Variants in WDR37 observed in about 807,000 individuals in gnomAD.
The protein encoded by WDR37 is WD repeat domain 37, also known as WD repeat-containing protein 37.
A neutral mutation model predicts 62.9 loss-of-function variants in WDR37; 19 were observed. The observed-to-expected ratio is 0.30, with a 90% CI of 0.21 to 0.44. The LOEUF (loss-of-function observed/expected upper bound fraction) is 0.44. Ranked by LOEUF, WDR37 falls within the 20% of genes least tolerant of loss-of-function variation. The pLI is 1.00. For synonymous variants in WDR37, 250 were observed against 260.9 expected (o/e 0.96, Z 0.40); for missense variants, 474 against 657.6 (o/e 0.72, Z 3.05).
chr10:1,107,089 G>T (rs1387644528), intron 11 of WDR37, among the ~76,000 whole-genome samples: 1 of 152,264 alleles, frequency 6.6e-6, no homozygotes, highest in Admixed American at 6.5e-5. Context: ...TCAGGGTGCA[G>T]CAGGCGCTGA....
At chr10:1,088,610 G>A (rs1215444612) in intron 7 of WDR37, among the ~76,000 whole-genome samples, 1 of 151,320 alleles carries the variant, frequency 6.6e-6, no homozygotes, top group Non-Finnish European at 1.5e-5. Flanking sequence ...AAATGACAAT[G>A]GTAGCATCAG....
At chr10:1,061,771 G>A (rs1485916038) in intron 1 of WDR37, among the ~76,000 whole-genome samples, 1 of 151,726 alleles carries the variant, frequency 6.6e-6, no homozygotes, top group African/African-American at 2.4e-5. Context: ...CCTGGGAGAT[G>A]GAGGTTGCAG....
chr10:1,096,380 T>C (rs1294477268), intron 9 of WDR37, 134 bp downstream of exon 9: 1 of 913,254 alleles, frequency 1.1e-6, no homozygotes, highest in Admixed American at 2.1e-5. Context: ...ACCCCCGGTA[T>C]GGTTGAATTT....
At position 1,084,383 on chromosome 10, in the gene WDR37, A is replaced by C. The variant is rs1834130042; in HGVS notation, c.397-20A>C. 1 of 1,599,254 alleles carries C rather than the reference A, an allele frequency of 6.3e-7. No homozygotes were observed. Among genetic ancestry groups the C allele is most frequent in the Admixed American group, 1.7e-5 (1 of 58,618 alleles). On this transcript the variant is annotated intron_variant, in intron 5 of 13. Coordinates refer to ENST00000263150, the MANE Select transcript of WDR37 (RefSeq NM_014023.4). ...TTACTTCAGTAAATTGTTTCACAAG[A>C]CTCCCCATCTTGGTTTCAGATTGTC...
intron 11 of WDR37, among the ~76,000 whole-genome samples, chr10:1,117,391 A>G (rs1835435322): frequency 1.3e-5 from 2 of 152,136 alleles, no homozygotes; most frequent in Non-Finnish European, 1.5e-5. Flanking sequence ...CCAAGTTAGA[A>G]TATTGTTTTT....
intron 5 of WDR37, 105 bp from the exon 6 acceptor site, chr10:1,084,298 A>G (rs568570637): frequency 1.4e-6 from 2 of 1,394,942 alleles, no homozygotes; most frequent in Admixed American, 2.0e-5. Flanking sequence ...TGTCCTAGTC[A>G]GTGATTTGTG....
chr10:1,084,594 G>C (rs1232556417), intron 6 of WDR37, 56 bp downstream of exon 6: 15 of 1,590,444 alleles, frequency 9.4e-6, no homozygotes, highest in Non-Finnish European at 1.3e-5. Flanking sequence ...CTTAATCCCT[G>C]AGTGATGGAC....
At chr10:1,126,777 C>T (rs80012220) in intron 13 of WDR37, among the ~76,000 whole-genome samples, 1 of 152,198 alleles carries the variant, frequency 6.6e-6, no homozygotes, top group Non-Finnish European at 1.5e-5. Context: ...CCTTTTCTTC[C>T]GGTAGCACAG....
At position 1,105,027 on chromosome 10, in the gene WDR37, C is replaced by A; in HGVS notation, c.962-99C>A. The A allele has an allele frequency of 6.8e-7, 1 of 1,471,606 alleles. No individual in the cohort carries two copies. The highest frequency in any genetic ancestry group is 9.2e-7 in the Non-Finnish European group (1 of 1,085,196). 91.2% of individuals were successfully genotyped at this position (1,471,606 alleles called of 1,614,324 possible). A position where few individuals can be genotyped will look rare whatever the true frequency, so the allele number is the denominator to read the frequency against. On this transcript the variant is annotated intron_variant, in intron 10 of 13. Transcript: ENST00000263150. The surrounding 1 kb of genome is among the most constrained non-coding windows in gnomAD (Gnocchi z 5.3). ...GATTCCATTAGGTCAGGTTCACAGT[C>A]TCAGAGAGACGGCTTCTTGGGTTCT... is the stretch of plus-strand genomic sequence containing the variant.
At chr10:1,127,131 AAC>A (rs1483433319) in intron 13 of WDR37, among the ~76,000 whole-genome samples, 1 of 152,234 alleles carries the variant, frequency 6.6e-6, no homozygotes, top group Non-Finnish European at 1.5e-5. Flanking sequence ...TGCATTTTGA[AAC>A]ACAAATTCAT....
rs1835251412 is a variant in WDR37 at position 1,112,629 on chromosome 10, A to G, written c.1103+7362A>G. Among the ~76,000 whole-genome samples, 3 of 152,252 alleles carry G rather than the reference A, an allele frequency of 2.0e-5. No individual in the cohort carries two copies. The South Asian group carries it at 6.2e-4, about 31-fold the overall frequency. On this transcript the variant is annotated intron_variant, in intron 11 of 13. Coordinates refer to ENST00000263150, the MANE Select transcript of WDR37 (RefSeq NM_014023.4). ...TGCAAAGGAAAAGTTCTGGAAGGAA[A>G]GTAAAACTGCTACTCCAGTGAACAC... is the stretch of plus-strand genomic sequence containing the variant.
chr10:1,132,252 C>G lies in WDR37; in HGVS notation c.*2908C>G, dbSNP rs908295904. On this transcript the variant is annotated 3_prime_UTR_variant, in exon 14 of 14. Coordinates refer to ENST00000263150, the MANE Select transcript of WDR37 (RefSeq NM_014023.4). The stretch of plus-strand genomic sequence containing the variant: ...GAAACATTGTGAATGACTATATAAA[C>G]ATCACGATGAGCTAGAAATTGAACA... 2.0e-5 allele frequency: 3 copies of G among 152,128 alleles called. No homozygotes were observed. Among genetic ancestry groups the G allele is most frequent in the African/African-American group, 7.2e-5 (3 of 41,416 alleles). 9.4% of individuals were successfully genotyped at this position (152,128 alleles called of 1,614,324 possible).
rs1834573993 is a variant in WDR37, at chr10:1,096,321, G to T, written c.726+75G>T. The T allele has an allele frequency of 5.3e-6, 8 of 1,503,920 alleles. No homozygotes were observed. In the Admixed American group the frequency reaches 1.3e-4, roughly 25 times the overall value. The allele number at this position is 1,503,920 out of a possible 1,614,324, so 93.2% of individuals were successfully genotyped here. On this transcript the variant is annotated intron_variant, in intron 9 of 13. Coordinates refer to ENST00000263150, the MANE Select transcript of WDR37 (RefSeq NM_014023.4). ...ATCTGAGAATCCATTTATGATATCT[G>T]TCATGGACGGAATGTTTGTGTCCCC...
intron 1 of WDR37, among the ~76,000 whole-genome samples, chr10:1,067,471 A>G (rs1176680495): frequency 6.6e-6 from 1 of 152,250 alleles, no homozygotes; most frequent in Admixed American, 6.5e-5. Flanking sequence ...AAAAACTCTT[A>G]GAATGAAGAG....
intron 11 of WDR37, among the ~76,000 whole-genome samples, chr10:1,116,062 C>T (rs1196314204): frequency 6.6e-6 from 1 of 152,168 alleles, no homozygotes; most frequent in African/African-American, 2.4e-5. Context: ...TTGATGTACT[C>T]CACTCAGGTG....
chr10:1,064,497 G>T (rs115367659), intron 1 of WDR37, among the ~76,000 whole-genome samples: 2,088 of 150,404 alleles, frequency 0.014, 52 homozygotes, highest in African/African-American at 0.048. Context: ...ACACATCCAG[G>T]CCAACTTCTG....
Position 1,084,534 on chromosome 10 carries a change from A to T in WDR37, c.528A>T (p.Ser176=), listed in dbSNP as rs1834133029. ...AGCCAGTGGTGCTCGGGACTGCATC[A>T]GCCGGTGAGTCGCACACGGACCTGG... is the stretch of plus-strand genomic sequence containing the variant. The part of the protein sequence containing the change: ...KTQPVVLGTA[S]ADHTALLWSI... Residue 176 remains serine (S), a synonymous_variant, in exon 6 of 14, where the codon TCA becomes TCT. Transcript: ENST00000263150. 1.5e-5 allele frequency: 25 copies of T among 1,613,910 alleles called. No individual in the cohort carries two copies. Among genetic ancestry groups the T allele is most frequent in the Non-Finnish European group, 2.0e-5 (24 of 1,179,770 alleles).
At chr10:1,095,486 A>G (rs996123667) in intron 8 of WDR37, among the ~76,000 whole-genome samples, 1 of 152,182 alleles carries the variant, frequency 6.6e-6, no homozygotes, top group African/African-American at 2.4e-5. Flanking sequence ...AAGTCCGGGC[A>G]GTACATTCAT....
chr10:1,089,961 C>T (rs1834332381), intron 7 of WDR37, among the ~76,000 whole-genome samples: 1 of 152,030 alleles, frequency 6.6e-6, no homozygotes, highest in Non-Finnish European at 1.5e-5. Context: ...TTGTGTTTTT[C>T]CACTAGGGGA....
Sources: gnomAD v4.1 joint callset for allele counts (sites outside exome capture counted in the v4.1 genomes callset) on GRCh38, gnomAD v4.1.1 for gene constraint, Gnocchi (gnomAD v3.1) non-coding constraint, MANE v1.5 for transcripts, NCBI Gene and HGNC (gene_info 2026-07-23, HGNC 2026-07-21) for gene names.